Variants in GLI2 observed in about 807,000 individuals in gnomAD.
The protein encoded by GLI2 is GLI family zinc finger 2, also known as transcription activator GLI2.
Under a neutral mutation model 78.9 loss-of-function variants are expected in GLI2, and 22 were observed. The observed-to-expected ratio is 0.28, with a 90% CI of 0.20 to 0.40. GLI2 has a LOEUF of 0.40. Among genes scored for constraint, GLI2 ranks in the 10% least tolerant of loss-of-function variants. The pLI is 1.00. For synonymous variants in GLI2, 974 were observed against 963.7 expected, an observed-to-expected ratio of 1.01 and a Z score of -0.20; for missense variants, 2,097 against 2,213.2, an observed-to-expected ratio of 0.95 and a Z score of 1.05.
Position 120,988,830 on chromosome 2 carries a change from T to TGTGCGGCGGCCCGATGCCCTGTCC in GLI2, c.2866_2889dup (p.Val956_Ser963dup). Reference sequence around the variant, plus strand: ...GCGGAGCCAGGCGGGCCAGCGACCCTGTGCGGCGGCCCGATGCCCTGTCCC... The same window carrying TGTGCGGCGGCCCGATGCCCTGTCC: ...GCGGAGCCAGGCGGGCCAGCGACCCTGTGCGGCGGCCCGATGCCCTGTCCGTGCGGCGGCCCGATGCCCTGTCCC... On this transcript the variant is annotated inframe_insertion, in exon 14 of 14. Coordinates refer to ENST00000361492, the MANE Select transcript of GLI2 (RefSeq NM_001374353.1). 6.8e-7 allele frequency: 1 copy of TGTGCGGCGGCCCGATGCCCTGTCC among 1,463,760 alleles called. No individual in the cohort carries two copies. The highest frequency in any genetic ancestry group is 9.0e-7 in the Non-Finnish European group (1 of 1,109,206). The allele number at this position is 1,463,760 out of a possible 1,614,324, so 90.7% of individuals were successfully genotyped here.
intron 2 of GLI2, among the ~76,000 whole-genome samples, chr2:120,859,761 T>TTTTTTTC (rs1687821494): frequency 6.6e-6 from 1 of 151,452 alleles, no homozygotes; most frequent in South Asian, 2.1e-4. Flanking sequence ...GGCCTTTTTT[T>TTTTTTTC]TTTTTTTCTT....
chr2:120,888,300 G>C (rs375292690), intron 2 of GLI2, among the ~76,000 whole-genome samples: 1 of 152,230 alleles, frequency 6.6e-6, no homozygotes, highest in Non-Finnish European at 1.5e-5. Context: ...TTGGCAAGGC[G>C]AGAGGTGTTT....
intron 2 of GLI2, among the ~76,000 whole-genome samples, chr2:120,806,736 G>A (rs542460195): frequency 3.3e-5 from 5 of 152,298 alleles, no homozygotes; most frequent in South Asian, 2.1e-4. Flanking sequence ...CCGAGGTCCC[G>A]GAGGCTCCAC....
intron 2 of GLI2, among the ~76,000 whole-genome samples, chr2:120,888,851 C>A (rs974288720): frequency 6.6e-6 from 1 of 152,182 alleles, no homozygotes; most frequent in African/African-American, 2.4e-5. Context: ...TCCAGGAGAA[C>A]CCAACACTTC....
chr2:120,988,350 G>A lies in GLI2; in HGVS notation c.2385G>A (p.Thr795=), dbSNP rs762985919. The A allele has an allele frequency of 6.4e-7, 1 of 1,572,674 alleles. No individual in the cohort carries two copies. The highest frequency in any genetic ancestry group is 8.6e-7 in the Non-Finnish European group (1 of 1,166,350). The change falls in exon 14 of 14, where the codon ACG becomes ACA. Residue 795 remains threonine, a synonymous_variant. Coordinates refer to ENST00000361492, the MANE Select transcript of GLI2 (RefSeq NM_001374353.1). ...AGCGCCGCGACAGCTCCACCAGCAC[G>A]GTCAGCTCGGCCTACACCGTGAGCC... The part of the protein sequence containing the change: ...LQERRDSSTS[T]VSSAYTVSRR...
At chr2:120,826,712 C>T (rs1169225160) in intron 2 of GLI2, among the ~76,000 whole-genome samples, 3 of 152,212 alleles carry the variant, frequency 2.0e-5, no homozygotes, top group African/African-American at 7.2e-5. Context: ...GCTTTGAACC[C>T]AGGCCCATGG....
chr2:120,854,232 A>G (rs1016540245), intron 2 of GLI2, among the ~76,000 whole-genome samples: 1 of 152,184 alleles, frequency 6.6e-6, no homozygotes, highest in Non-Finnish European at 1.5e-5. Flanking sequence ...GTCTCAGAAG[A>G]GGAGCAGAAG....
At chr2:120,958,191 G>A (rs1681369444) in intron 5 of GLI2, among the ~76,000 whole-genome samples, 1 of 152,190 alleles carries the variant, frequency 6.6e-6, no homozygotes, top group Admixed American at 6.5e-5. Context: ...CAAGCCCTGC[G>A]AGCTGTGTGG....
At chr2:120,954,207 A>T (rs1395836513) in intron 4 of GLI2, among the ~76,000 whole-genome samples, 2 of 152,160 alleles carry the variant, frequency 1.3e-5, no homozygotes, top group Non-Finnish European at 2.9e-5. Flanking sequence ...GAGGTTAGGA[A>T]GCTCATCAGC....
intron 2 of GLI2, among the ~76,000 whole-genome samples, chr2:120,805,272 G>A (rs6758820): frequency 0.022 from 3,320 of 152,264 alleles, 119 homozygotes; most frequent in African/African-American, 0.076. Context: ...CCTGCCTGTC[G>A]CTCCCCTTGG....
chr2:120,791,325 T>C (rs955414479), intron 1 of GLI2, among the ~76,000 whole-genome samples: 10 of 152,114 alleles, frequency 6.6e-5, no homozygotes, highest in Admixed American at 5.2e-4. Flanking sequence ...CTGCCAGCCT[T>C]GGCATTGTGG....
At chr2:120,788,849 C>T (rs577804394) in intron 1 of GLI2, among the ~76,000 whole-genome samples, 9 of 152,222 alleles carry the variant, frequency 5.9e-5, no homozygotes, top group African/African-American at 1.7e-4. Context: ...CCCTGGGCTG[C>T]ATCCCCTGAA....
At position 120,907,117 on chromosome 2, in the gene GLI2, G is replaced by A. The variant is rs1034527446; in HGVS notation, c.149-20244G>A. Among the ~76,000 whole-genome samples the A allele has an allele frequency of 3.9e-5, 6 of 152,174 alleles. No individual in the cohort carries two copies. The East Asian group carries it at 5.8e-4, about 15-fold the overall frequency. ...GTCATTACATCAAACAAGCCTAGTC[G>A]CAGCCCAGCCCTCACCTGCTGCCTT... On this transcript the variant is annotated intron_variant, in intron 2 of 13. Coordinates refer to ENST00000361492, the MANE Select transcript of GLI2 (RefSeq NM_001374353.1).
At chr2:120,894,701 CTT>C (rs35695421) in intron 2 of GLI2, among the ~76,000 whole-genome samples, 62,429 of 136,858 alleles carry the variant, frequency 0.46, 15,423 homozygotes, top group African/African-American at 0.69. Context: ...TCTTTTCTTT[CTT>C]TTTTTTTTTT....
chr2:120,806,533 G>A (rs1186170786), intron 2 of GLI2, among the ~76,000 whole-genome samples: 1 of 152,164 alleles, frequency 6.6e-6, no homozygotes, highest in East Asian at 1.9e-4. Context: ...GGAGGAGGAG[G>A]GGCAGAGTGG....
chr2:120,927,217 G>A (rs1160562264), intron 2 of GLI2, 144 bp from the exon 3 acceptor site: 7 of 749,910 alleles, frequency 9.3e-6, no homozygotes, highest in Admixed American at 5.3e-5. Context: ...CCCTTCGTGG[G>A]TGTGTGATCG....
At chr2:120,930,128 T>C (rs1177855764) in intron 3 of GLI2, among the ~76,000 whole-genome samples, 1 of 152,174 alleles carries the variant, frequency 6.6e-6, no homozygotes, top group African/African-American at 2.4e-5. Flanking sequence ...AGACAGTCCA[T>C]GCTGGAGTGC....
chr2:120,861,614 G>A (rs961083512), intron 2 of GLI2, among the ~76,000 whole-genome samples: 2 of 152,242 alleles, frequency 1.3e-5, no homozygotes. Context: ...ACCAGGGTTT[G>A]CTGATTGCCA....
chr2:120,945,878 G>A (rs1680681815), intron 3 of GLI2, among the ~76,000 whole-genome samples: 1 of 151,592 alleles, frequency 6.6e-6, no homozygotes, highest in Non-Finnish European at 1.5e-5. Context: ...GCCCAGAGCA[G>A]CAGAAAGGAA....
Sources: gnomAD v4.1 joint callset for allele counts (sites outside exome capture counted in the v4.1 genomes callset) on GRCh38, gnomAD v4.1.1 for gene constraint, MANE v1.5 for transcripts, NCBI Gene and HGNC (gene_info 2026-07-23, HGNC 2026-07-21) for gene names.